DOCK4: variants seen among roughly 807,000 people sequenced by gnomAD.
DOCK4 encodes dedicator of cytokinesis protein 4.
Under a neutral mutation model 268.1 loss-of-function variants are expected in DOCK4, and 97 were observed. That is an observed-to-expected ratio of 0.36 (90% confidence interval 0.31 to 0.43). The LOEUF is 0.43. Ranked by LOEUF, DOCK4 falls within the 20% of genes least tolerant of loss-of-function variation. DOCK4 has a pLI of 1.00. For synonymous variants in DOCK4, 954 were observed against 887.2 expected (o/e 1.08, Z -1.34); for missense variants, 2,145 against 2,455.7 (o/e 0.87, Z 2.67).
chr7:111,921,494 AT>A (rs1160921144), intron 12 of DOCK4, among the ~76,000 whole-genome samples: 1 of 152,222 alleles, frequency 6.6e-6, no homozygotes, highest in African/African-American at 2.4e-5. Flanking sequence ...TACATCAGCC[AT>A]TTTGCCACTA....
chr7:111,793,301 T>C (rs1230417364), intron 30 of DOCK4, among the ~76,000 whole-genome samples: 1 of 152,230 alleles, frequency 6.6e-6, no homozygotes, highest in African/African-American at 2.4e-5. Context: ...CCACAGTCTA[T>C]AAGCCAGAGA....
Position 111,872,531 on chromosome 7 carries a change from TG to T in DOCK4, c.1777del (p.His593ThrfsTer12). 6.2e-7 allele frequency: 1 copy of T among 1,603,608 alleles called. No individual in the cohort carries two copies. Among genetic ancestry groups the T allele is most frequent in the Non-Finnish European group, 8.5e-7 (1 of 1,174,480 alleles). ...DMLDLLKWRT[H>X]PDKITGCLSK... ...GAGACAGCCAGTGATCTTGTCTGGG[TG>T]GGTTCTCCATTTCAAAAGATCAAGC... On this transcript the variant is annotated frameshift_variant, in exon 18 of 53. Transcript: ENST00000428084. LOFTEE classifies it high-confidence loss of function.
intron 30 of DOCK4, among the ~76,000 whole-genome samples, chr7:111,805,317 C>A (rs1405609282): frequency 6.6e-6 from 1 of 152,142 alleles, no homozygotes; most frequent in Non-Finnish European, 1.5e-5. Flanking sequence ...GAACTCGCTT[C>A]CTCCAGTTGT....
At chr7:111,958,172 G>C (rs1039254165) in intron 8 of DOCK4, among the ~76,000 whole-genome samples, 4 of 152,146 alleles carry the variant, frequency 2.6e-5, no homozygotes, top group African/African-American at 9.7e-5. Context: ...TCTAAGACTT[G>C]TAAGCTTCCT....
At position 112,033,158 on chromosome 7, in the gene DOCK4, A is replaced by C. The variant is rs1180040041; in HGVS notation, c.38-29027T>G. 3.9e-5 allele frequency among the ~76,000 whole-genome samples: 6 copies of C among 152,196 alleles called. No homozygotes were observed. The East Asian group carries it at 1.2e-3, about 29-fold the overall frequency. ...TATAAAGCAAATAATTCCAAGTGAA[A>C]TACAATATGCAGACAGATACATCAT... On this transcript the variant is annotated intron_variant, in intron 1 of 52. Coordinates refer to ENST00000428084, the MANE Select transcript of DOCK4 (RefSeq NM_001363540.2).
intron 1 of DOCK4, among the ~76,000 whole-genome samples, chr7:112,026,154 C>T (rs539416401): frequency 6.6e-6 from 1 of 152,270 alleles, no homozygotes; most frequent in Non-Finnish European, 1.5e-5. Context: ...AGCCCCCAGG[C>T]CATGGACCAG....
intron 44 of DOCK4, among the ~76,000 whole-genome samples, chr7:111,744,798 TC>T (rs1796156774): frequency 6.6e-6 from 1 of 152,214 alleles, no homozygotes; most frequent in Admixed American, 6.5e-5. Flanking sequence ...ATTCTTTATT[TC>T]CTTACAGATC....
intron 1 of DOCK4, among the ~76,000 whole-genome samples, chr7:112,082,450 C>A (rs1808681030): frequency 6.6e-6 from 1 of 152,132 alleles, no homozygotes; most frequent in East Asian, 1.9e-4. Flanking sequence ...GGTACAAAAT[C>A]TACCTTCCCT....
intron 1 of DOCK4, among the ~76,000 whole-genome samples, chr7:112,080,983 G>T (rs1808528605): frequency 6.6e-6 from 1 of 152,034 alleles, no homozygotes; most frequent in African/African-American, 2.4e-5. Flanking sequence ...CAATATAAAA[G>T]AAATTGTTAA....
intron 1 of DOCK4, among the ~76,000 whole-genome samples, chr7:112,061,333 G>A (rs766953559): frequency 1.3e-5 from 2 of 152,102 alleles, no homozygotes; most frequent in South Asian, 2.1e-4. Context: ...TGGGTCACAC[G>A]ACCAGGTAGT....
intron 1 of DOCK4, among the ~76,000 whole-genome samples, chr7:112,113,047 T>C (rs1483830364): frequency 6.6e-6 from 1 of 152,072 alleles, no homozygotes; most frequent in Admixed American, 6.6e-5. Flanking sequence ...GAAAGAGAAA[T>C]TATACTACTG....
intron 27 of DOCK4, 64 bp from the exon 28 acceptor site, chr7:111,812,013 A>G (rs1356982314): frequency 1.2e-6 from 1 of 838,044 alleles, no homozygotes; most frequent in Non-Finnish European, 1.8e-6. Context: ...AGTATACAAG[A>G]ATAAAAACCT....
intron 8 of DOCK4, among the ~76,000 whole-genome samples, chr7:111,962,648 A>C (rs910432879): frequency 2.0e-5 from 3 of 150,676 alleles, no homozygotes; most frequent in African/African-American, 5.0e-5. Flanking sequence ...TATTTAAAAA[A>C]ATCTTTACCT....
intron 1 of DOCK4, among the ~76,000 whole-genome samples, chr7:112,010,494 G>A (rs1054810433): frequency 2.0e-5 from 3 of 152,180 alleles, no homozygotes; most frequent in South Asian, 2.1e-4. Flanking sequence ...GTAGGACTAC[G>A]TGGAGATGAA....
At chr7:112,137,023 GA>G (rs1403396261) in intron 1 of DOCK4, among the ~76,000 whole-genome samples, 2 of 151,910 alleles carry the variant, frequency 1.3e-5, no homozygotes, top group Non-Finnish European at 2.9e-5. Flanking sequence ...TTTACCTGAG[GA>G]AAAAATGGGA....
At chr7:111,833,493 A>G (rs113393365) in intron 26 of DOCK4, among the ~76,000 whole-genome samples, 5 of 152,002 alleles carry the variant, frequency 3.3e-5, no homozygotes, top group African/African-American at 1.2e-4. Context: ...GCAGTGAGCC[A>G]TGATTGTACT....
chr7:112,198,318 C>G (rs183285542), intron 1 of DOCK4, among the ~76,000 whole-genome samples: 1 of 152,170 alleles, frequency 6.6e-6, no homozygotes, highest in Non-Finnish European at 1.5e-5. Flanking sequence ...TCACCAGGAA[C>G]TGACTCAGCC....
intron 23 of DOCK4, among the ~76,000 whole-genome samples, chr7:111,851,693 T>G (rs1804568255): frequency 6.6e-6 from 1 of 152,038 alleles, no homozygotes; most frequent in Non-Finnish European, 1.5e-5. Context: ...GAGTTCCAGT[T>G]CCGTGAAATA....
At chr7:112,110,431 G>A (rs1235350548) in intron 1 of DOCK4, among the ~76,000 whole-genome samples, 1 of 152,186 alleles carries the variant, frequency 6.6e-6, no homozygotes, top group Non-Finnish European at 1.5e-5. Flanking sequence ...TCAGAGACAT[G>A]ACTAGGTATG....
Sources: allele counts gnomAD v4.1 joint callset (sites outside exome capture counted in the v4.1 genomes callset), GRCh38; gene constraint gnomAD v4.1.1; transcripts MANE v1.5; gene names NCBI Gene and HGNC (gene_info 2026-07-23, HGNC 2026-07-21).